The following TAFA5 variants were observed in gnomAD, a reference collection of about 807,000 sequenced individuals.
TAFA5 encodes the protein chemokine-like protein TAFA-5.
A neutral mutation model predicts 15.3 loss-of-function variants in TAFA5; 6 were observed. That is an observed-to-expected ratio of 0.39 (90% CI 0.21 to 0.77). The LOEUF (loss-of-function observed/expected upper bound fraction) is 0.77, where lower values mean the gene tolerates loss of function less well. TAFA5 is among the 30% of genes least tolerant of loss of function. The probability of loss-of-function intolerance (pLI) is 0.41; values close to 1 mark genes in which losing one functional copy is unlikely to be tolerated. For synonymous variants in TAFA5, 103 were observed against 80.7 expected (o/e 1.28, Z -1.48); for missense variants, 161 against 193.1 (o/e 0.83, Z 0.98).
At chr22:48,574,469 C>G (rs910787395) in intron 1 of TAFA5, among the ~76,000 whole-genome samples, 3 of 152,168 alleles carry the variant, frequency 2.0e-5, no homozygotes, top group African/African-American at 7.2e-5. Context: ...CTCTATAAGC[C>G]TCAGTTTCCC....
intron 3 of TAFA5, among the ~76,000 whole-genome samples, chr22:48,713,939 C>T (rs1929329954): frequency 6.6e-6 from 1 of 152,258 alleles, no homozygotes; most frequent in African/African-American, 2.4e-5. Flanking sequence ...CAGGCTAGGA[C>T]CTACCCTGCC....
At chr22:48,518,254 C>T (rs1158646068) in intron 1 of TAFA5, among the ~76,000 whole-genome samples, 1 of 152,200 alleles carries the variant, frequency 6.6e-6, no homozygotes, top group Non-Finnish European at 1.5e-5. Context: ...CCTGATTCTC[C>T]CTCCTGTTCT....
intron 3 of TAFA5, among the ~76,000 whole-genome samples, chr22:48,711,226 T>C (rs907328780): frequency 6.6e-6 from 1 of 151,964 alleles, no homozygotes; most frequent in African/African-American, 2.4e-5. Context: ...TTCTAGAGAG[T>C]GAGGTCTCAT....
intron 1 of TAFA5, among the ~76,000 whole-genome samples, chr22:48,583,626 C>A (rs1241153223): frequency 1.3e-5 from 2 of 150,530 alleles, no homozygotes; most frequent in Non-Finnish European, 3.0e-5. Flanking sequence ...ACACGAAATA[C>A]ACCATACACA....
chr22:48,510,836 C>G (rs1257976343), intron 1 of TAFA5, among the ~76,000 whole-genome samples: 1 of 152,258 alleles, frequency 6.6e-6, no homozygotes, highest in Non-Finnish European at 1.5e-5. Flanking sequence ...CCCAGGCAGG[C>G]AGCCATGCGC....
At position 48,661,670 on chromosome 22, in the gene TAFA5, G is replaced by A. The variant is rs1405942650; in HGVS notation, c.262+14924G>A. Among the ~76,000 whole-genome samples, 4 of 152,124 alleles carry A rather than the reference G, an allele frequency of 2.6e-5. No homozygotes were observed. In the East Asian group the frequency reaches 7.7e-4, roughly 29 times the overall value. On this transcript the variant is annotated intron_variant, in intron 2 of 3. Transcript: ENST00000402357. ...GTGCCAGATTTGGAGGAGATGCCGG[G>A]GGCTCGTTCCCCCACCCTCCTGGAC...
chr22:48,728,045 C>T (rs555435228), intron 3 of TAFA5, among the ~76,000 whole-genome samples: 1 of 152,310 alleles, frequency 6.6e-6, no homozygotes, highest in Admixed American at 6.5e-5. Flanking sequence ...CAAAAAGCAG[C>T]AGTGCATAGA....
chr22:48,713,404 T>C (rs1929313001), intron 3 of TAFA5, among the ~76,000 whole-genome samples: 1 of 152,228 alleles, frequency 6.6e-6, no homozygotes. Context: ...AAGAGGACAC[T>C]GAGGTCTCCT....
At chr22:48,690,360 C>T (rs992927737) in intron 2 of TAFA5, among the ~76,000 whole-genome samples, 5 of 152,116 alleles carry the variant, frequency 3.3e-5, no homozygotes, top group East Asian at 3.9e-4. Flanking sequence ...GTGTGAGGGC[C>T]GGGGCTATGG....
At chr22:48,498,761 A>G (rs1419787566) in intron 1 of TAFA5, among the ~76,000 whole-genome samples, 1 of 152,172 alleles carries the variant, frequency 6.6e-6, no homozygotes, top group Non-Finnish European at 1.5e-5. Flanking sequence ...TGACAACCAA[A>G]GATGTCTCTG....
intron 2 of TAFA5, among the ~76,000 whole-genome samples, chr22:48,688,560 A>C: frequency 6.6e-6 from 1 of 151,536 alleles, no homozygotes; most frequent in African/African-American, 2.4e-5. Flanking sequence ...AGGCCTCTTA[A>C]CTCCCCCTGG....
At chr22:48,653,617 C>T (rs1247267814) in intron 2 of TAFA5, among the ~76,000 whole-genome samples, 2 of 152,158 alleles carry the variant, frequency 1.3e-5, no homozygotes, top group Non-Finnish European at 2.9e-5. Context: ...CAGTCCTTCT[C>T]CAGCAAGTTA....
At chr22:48,508,621 C>T (rs566163438) in intron 1 of TAFA5, among the ~76,000 whole-genome samples, 392 of 152,300 alleles carry the variant, frequency 2.6e-3, no homozygotes, top group Non-Finnish European at 4.2e-3. Context: ...TCAACCCAAG[C>T]GTTCCCTGTA....
At chr22:48,534,032 C>T (rs145661627) in intron 1 of TAFA5, among the ~76,000 whole-genome samples, 123 of 152,286 alleles carry the variant, frequency 8.1e-4, no homozygotes, top group African/African-American at 2.8e-3. Flanking sequence ...GGAGAAGGAA[C>T]TCTCCTTTCA....
intron 1 of TAFA5, among the ~76,000 whole-genome samples, chr22:48,611,192 C>T (rs1305097596): frequency 6.6e-6 from 1 of 152,182 alleles, no homozygotes; most frequent in Admixed American, 6.5e-5. Context: ...GCCTTGGCCT[C>T]CCAAAGTGCT....
intron 2 of TAFA5, among the ~76,000 whole-genome samples, chr22:48,705,577 G>A (rs1929052970): frequency 6.6e-6 from 1 of 152,210 alleles, no homozygotes; most frequent in Non-Finnish European, 1.5e-5. Context: ...AACAGCCACT[G>A]CCTGTGGTCC....
At chr22:48,623,442 C>CGCGGTGACCTGTGGGACGGGATGTGCTGT (rs1555893567) in intron 1 of TAFA5, among the ~76,000 whole-genome samples, 84 of 151,832 alleles carry the variant, frequency 5.5e-4, no homozygotes, top group African/African-American at 1.9e-3. Flanking sequence ...GGATGTGCTG[C>CGCGGTGACCTGTGGGACGGGATGTGCTGT]GTGGCCCTGC....
At chr22:48,573,687 T>C (rs934848743) in intron 1 of TAFA5, among the ~76,000 whole-genome samples, 1 of 152,254 alleles carries the variant, frequency 6.6e-6, no homozygotes, top group Non-Finnish European at 1.5e-5. Flanking sequence ...CTGTCCCACC[T>C]GTTGAAAGTG....
rs76500845 is a variant in TAFA5, at chr22:48,661,344, C to T, written c.262+14598C>T. 2.5e-3 allele frequency among the ~76,000 whole-genome samples: 376 copies of T among 152,306 alleles called. 10 individuals carry two copies. The East Asian group carries it at 0.058, about 23-fold the overall frequency. On this transcript the variant is annotated intron_variant, in intron 2 of 3. Coordinates refer to ENST00000402357, the MANE Select transcript of TAFA5 (RefSeq NM_001082967.3). ...GCCCTCTCTCCTTGTGCCCTTCCCA[C>T]GTTTACAGAAGAAGGCTGGGCTGAA...
Sources: allele counts gnomAD v4.1 joint callset (sites outside exome capture counted in the v4.1 genomes callset), GRCh38; gene constraint gnomAD v4.1.1; transcripts MANE v1.5; gene names NCBI Gene and HGNC (gene_info 2026-07-23, HGNC 2026-07-21).